Variants in BUB1B observed in about 807,000 individuals in gnomAD.
The protein encoded by BUB1B is mitotic checkpoint serine/threonine-protein kinase BUB1 beta.
Under a neutral mutation model 137.7 loss-of-function variants are expected in BUB1B, and 86 were observed. That is an observed-to-expected ratio of 0.62 (90% CI 0.52 to 0.75). BUB1B has a LOEUF of 0.75. Among genes scored for constraint, BUB1B ranks in the 30% least tolerant of loss-of-function variants. The pLI is 0.00. For missense variants in BUB1B, 1,130 were observed against 1,236.9 expected (o/e 0.91, Z 1.30); for synonymous variants, 420 against 417.9 (o/e 1.00, Z -0.06).
At chr15:40,167,384 C>G (rs2037112727) in intron 2 of BUB1B, among the ~76,000 whole-genome samples, 1 of 105,314 alleles carries the variant, frequency 9.5e-6, no homozygotes, top group Middle Eastern at 0.011. Flanking sequence ...GAGTGTTGCT[C>G]TTGTTGCCCA....
At position 40,220,570 on chromosome 15, in the gene BUB1B, AGAT is replaced by A. The variant is rs1173278193; in HGVS notation, c.2966_2968del (p.Asp989del). The A allele has an allele frequency of 3.1e-6, 5 of 1,614,200 alleles. No homozygotes were observed. In the South Asian group the frequency reaches 5.5e-5, roughly 18 times the overall value. ...TGGTTTTATATATTTTTAGGCTAAA[AGAT>A]GGTGAATTGTGGAATAAATTCTTTG... On this transcript the variant is annotated inframe_deletion, in exon 23 of 23. Coordinates refer to ENST00000287598, the MANE Select transcript of BUB1B (RefSeq NM_001211.6).
Position 40,176,607 on chromosome 15 carries a change from A to T in BUB1B, c.515A>T (p.Asp172Val). 1.2e-6 allele frequency: 2 copies of T among 1,614,170 alleles called. No individual in the cohort carries two copies. Among genetic ancestry groups the T allele is most frequent in the Non-Finnish European group, 1.7e-6 (2 of 1,180,020 alleles). Residue 172 changes from aspartate (D) to valine (V), a missense_variant, in exon 5 of 23, where the codon GAT becomes GTT. Transcript: ENST00000287598. ...GCTAGAGAAAACTTTAGGAAAGCAG[A>T]TGCGATATTTCAGGAAGGGATTCAA... ...YEARENFRKA[D>V]AIFQEGIQQK...
intron 9 of BUB1B, 141 bp downstream of exon 9, chr15:40,196,915 A>G: frequency 1.3e-6 from 1 of 755,052 alleles, no homozygotes; most frequent in South Asian, 1.8e-5. Flanking sequence ...CTTTCTGTGT[A>G]TCAGCCAAAA....
intron 3 of BUB1B, 82 bp downstream of exon 3, chr15:40,170,203 G>A (rs773847890): frequency 9.0e-6 from 12 of 1,326,968 alleles, no homozygotes; most frequent in Non-Finnish European, 1.3e-5. Context: ...TGGGGTATAT[G>A]GAGTGTGTGT....
intron 11 of BUB1B, 69 bp from the exon 12 acceptor site, chr15:40,200,862 G>A: frequency 1.5e-6 from 2 of 1,342,820 alleles, no homozygotes; most frequent in South Asian, 2.4e-5. Context: ...AAGCCTCTTG[G>A]ACTTTTAAAA....
At position 40,183,614 on chromosome 15, in the gene BUB1B, C is replaced by T. The variant is rs2037322576; in HGVS notation, c.582-100C>T. ...TTGGGATATTTCTGCATTCTTCCCCCAGCCTGCTCTTCTAATTTGTTTACT... is the reference window on the plus strand; with the variant it reads ...TTGGGATATTTCTGCATTCTTCCCCTAGCCTGCTCTTCTAATTTGTTTACT... On this transcript the variant is annotated intron_variant, in intron 5 of 22. Transcript: ENST00000287598. 3.8e-6 allele frequency: 4 copies of T among 1,045,482 alleles called. No homozygotes were observed. The South Asian group carries it at 3.9e-5, about 10-fold the overall frequency. 64.8% of individuals were successfully genotyped at this position (1,045,482 alleles called of 1,614,324 possible).
At chr15:40,199,242 A>G (rs189756579) in intron 9 of BUB1B, among the ~76,000 whole-genome samples, 19 of 152,158 alleles carry the variant, frequency 1.2e-4, no homozygotes, top group South Asian at 4.2e-4. Context: ...CACGTCACCT[A>G]TTTTATTCTT....
At chr15:40,211,643 CCTGTTTT>C (rs1238251538) in intron 18 of BUB1B, among the ~76,000 whole-genome samples, 2 of 151,546 alleles carry the variant, frequency 1.3e-5, no homozygotes, top group Admixed American at 1.3e-4. Flanking sequence ...TATACTTTTT[CCTGTTTT>C]CTATGTTATT....
At chr15:40,164,596 A>G (rs930556790) in intron 1 of BUB1B, among the ~76,000 whole-genome samples, 1 of 151,474 alleles carries the variant, frequency 6.6e-6, no homozygotes, top group African/African-American at 2.4e-5. Context: ...CTTTTTGTCT[A>G]CTTTGCCAAA....
intron 5 of BUB1B, among the ~76,000 whole-genome samples, chr15:40,179,536 G>A (rs1039773966): frequency 6.6e-6 from 1 of 151,996 alleles, no homozygotes; most frequent in African/African-American, 2.4e-5. Flanking sequence ...CTTATACACA[G>A]CAAATAGTTG....
intron 14 of BUB1B, 60 bp downstream of exon 14, chr15:40,202,754 A>G: frequency 7.2e-7 from 1 of 1,398,560 alleles, no homozygotes; most frequent in South Asian, 1.2e-5. Context: ...ATTCAAAACC[A>G]CAAAAGCTTA....
intron 21 of BUB1B, among the ~76,000 whole-genome samples, chr15:40,218,178 C>A (rs760483101): frequency 6.6e-6 from 1 of 152,216 alleles, no homozygotes. Context: ...TAGATCACAG[C>A]TGGAGTTCAT....
chr15:40,175,184 A>C (rs1029424934), intron 4 of BUB1B, among the ~76,000 whole-genome samples: 2 of 152,236 alleles, frequency 1.3e-5, no homozygotes, highest in African/African-American at 4.8e-5. Context: ...GGTTGTATGC[A>C]TGAAGTTATT....
At chr15:40,181,777 T>C (rs983857045) in intron 5 of BUB1B, among the ~76,000 whole-genome samples, 2 of 152,248 alleles carry the variant, frequency 1.3e-5, no homozygotes, top group African/African-American at 2.4e-5. Context: ...TTTCAGATAC[T>C]GTATTTTTCA....
chr15:40,179,370 T>A (rs879598893), intron 5 of BUB1B, among the ~76,000 whole-genome samples: 2 of 152,206 alleles, frequency 1.3e-5, no homozygotes, highest in Non-Finnish European at 2.9e-5. Flanking sequence ...AATACTGTTA[T>A]ATTTGCGTAA....
chr15:40,172,618 G>A (rs1428785338), intron 4 of BUB1B, among the ~76,000 whole-genome samples: 1 of 152,054 alleles, frequency 6.6e-6, no homozygotes, highest in Non-Finnish European at 1.5e-5. Flanking sequence ...GAAGAAAACG[G>A]GTTCGTCTTG....
chr15:40,180,064 G>T (rs2037266851), intron 5 of BUB1B, among the ~76,000 whole-genome samples: 1 of 150,158 alleles, frequency 6.7e-6, no homozygotes, highest in Admixed American at 6.6e-5. Flanking sequence ...CATTCCTGAA[G>T]CTCCAAGTTC....
intron 4 of BUB1B, 28 bp from the exon 5 acceptor site, chr15:40,176,449 T>C (rs758747217): frequency 3.7e-6 from 6 of 1,606,588 alleles, no homozygotes; most frequent in Non-Finnish European, 4.3e-6. Flanking sequence ...GAGTAGAAAT[T>C]GGTTAACTGT....
At position 40,220,766 on chromosome 15, in the gene BUB1B, C is replaced by G; in HGVS notation, c.*7C>G. ...GGCTTTGCTCTTTCAGTGAGCTAGG[C>G]AATCAAGTCTCACAGATTGCTGCCT... On this transcript the variant is annotated 3_prime_UTR_variant, in exon 23 of 23. Coordinates refer to ENST00000287598, the MANE Select transcript of BUB1B (RefSeq NM_001211.6). 6.2e-7 allele frequency: 1 copy of G among 1,613,034 alleles called. No individual in the cohort carries two copies.
Sources: allele counts gnomAD v4.1 joint callset (sites outside exome capture counted in the v4.1 genomes callset), GRCh38; gene constraint gnomAD v4.1.1; transcripts MANE v1.5; gene names NCBI Gene and HGNC (gene_info 2026-07-23, HGNC 2026-07-21).